Variants in STXBP5L observed in about 807,000 individuals in gnomAD.
STXBP5L encodes the protein syntaxin-binding protein 5-like.
In STXBP5L, 65 loss-of-function variants were observed where a neutral mutation model predicts 144.5. That is an observed-to-expected ratio of 0.45 (90% CI 0.37 to 0.55). The LOEUF (loss-of-function observed/expected upper bound fraction) is 0.55. Among genes scored for constraint, STXBP5L ranks in the 20% least tolerant of loss-of-function variants. The pLI is 0.00. For synonymous variants in STXBP5L, 505 were observed against 469.6 expected (o/e 1.08, Z -0.97); for missense variants, 1,298 against 1,405.5 (o/e 0.92, Z 1.22).
chr3:121,042,110 T>C (rs1234351894), intron 4 of STXBP5L, among the ~76,000 whole-genome samples: 1 of 152,162 alleles, frequency 6.6e-6, no homozygotes, highest in Non-Finnish European at 1.5e-5. Flanking sequence ...TCCCACCAAC[T>C]TAAATTTTGT....
At chr3:121,133,473 A>G (rs2045092269) in intron 7 of STXBP5L, among the ~76,000 whole-genome samples, 1 of 152,176 alleles carries the variant, frequency 6.6e-6, no homozygotes, top group Non-Finnish European at 1.5e-5. Flanking sequence ...GAGTGGTGCA[A>G]TATATTCACA....
At chr3:121,212,447 C>T (rs1397828280) in intron 10 of STXBP5L, among the ~76,000 whole-genome samples, 1 of 152,066 alleles carries the variant, frequency 6.6e-6, no homozygotes, top group Non-Finnish European at 1.5e-5. Flanking sequence ...ACCAGTTTTC[C>T]CACCACCATT....
At chr3:121,353,990 T>A (rs1055496302) in intron 20 of STXBP5L, among the ~76,000 whole-genome samples, 1 of 152,166 alleles carries the variant, frequency 6.6e-6, no homozygotes, top group African/African-American at 2.4e-5. Context: ...AGTTGAGCAG[T>A]TTTGAGTGAG....
intron 3 of STXBP5L, among the ~76,000 whole-genome samples, chr3:121,028,129 A>G (rs1320038907): frequency 1.3e-5 from 2 of 152,110 alleles, no homozygotes; most frequent in Non-Finnish European, 2.9e-5. Flanking sequence ...CAAAAATTGT[A>G]TCTAAATTAA....
chr3:121,191,358 C>T (rs182555382), intron 9 of STXBP5L, among the ~76,000 whole-genome samples: 461 of 152,274 alleles, frequency 3.0e-3, no homozygotes, highest in Non-Finnish European at 5.2e-3. Context: ...GCCAACACGG[C>T]GAAACCCTGT....
intron 5 of STXBP5L, among the ~76,000 whole-genome samples, chr3:121,106,177 G>A (rs756164832): frequency 5.3e-5 from 8 of 151,696 alleles, no homozygotes; most frequent in Admixed American, 1.3e-4. Flanking sequence ...TGCTTGTTTT[G>A]TCTCTCCTGT....
chr3:120,986,041 A>G (rs1942257969), intron 3 of STXBP5L, among the ~76,000 whole-genome samples: 1 of 151,914 alleles, frequency 6.6e-6, no homozygotes, highest in South Asian at 2.1e-4. Flanking sequence ...TAAACTAAAA[A>G]TTTTGGCCTT....
intron 9 of STXBP5L, among the ~76,000 whole-genome samples, chr3:121,200,526 GA>G (rs2048098839): frequency 6.6e-6 from 1 of 152,022 alleles, no homozygotes; most frequent in Non-Finnish European, 1.5e-5. Flanking sequence ...GCCAGCTTTT[GA>G]ATTTGTTTGC....
intron 7 of STXBP5L, among the ~76,000 whole-genome samples, chr3:121,122,711 G>A (rs1046020099): frequency 4.0e-5 from 6 of 151,436 alleles, no homozygotes; most frequent in Non-Finnish European, 8.9e-5. Flanking sequence ...AAGAACCAAT[G>A]TTTAATAAAC....
At chr3:121,019,065 G>A (rs1945355077) in intron 3 of STXBP5L, among the ~76,000 whole-genome samples, 1 of 152,190 alleles carries the variant, frequency 6.6e-6, no homozygotes, top group Non-Finnish European at 1.5e-5. Context: ...TTCGGCTGCA[G>A]GCTGCCTGGG....
At chr3:121,402,262 C>T (rs1282668118) in intron 22 of STXBP5L, among the ~76,000 whole-genome samples, 1 of 152,120 alleles carries the variant, frequency 6.6e-6, no homozygotes, top group African/African-American at 2.4e-5. Context: ...AAGTTTCTGT[C>T]CTCAAAGAGC....
intron 10 of STXBP5L, among the ~76,000 whole-genome samples, chr3:121,211,532 T>C (rs2048565099): frequency 6.6e-6 from 1 of 151,962 alleles, no homozygotes; most frequent in African/African-American, 2.4e-5. Flanking sequence ...TTCCTATTTT[T>C]TCTACATCTT....
intron 5 of STXBP5L, among the ~76,000 whole-genome samples, chr3:121,092,569 G>T (rs1323015518): frequency 1.3e-5 from 2 of 152,056 alleles, no homozygotes; most frequent in Non-Finnish European, 2.9e-5. Flanking sequence ...TTGGCTCTCT[G>T]TTTGTCTGTT....
At chr3:121,346,005 C>T (rs924787230) in intron 20 of STXBP5L, among the ~76,000 whole-genome samples, 17 of 151,650 alleles carry the variant, frequency 1.1e-4, no homozygotes, top group Admixed American at 2.0e-4. Context: ...GCACAACGTG[C>T]GGGTTTGTTG....
At chr3:121,022,829 C>T (rs1945660580) in intron 3 of STXBP5L, among the ~76,000 whole-genome samples, 1 of 152,040 alleles carries the variant, frequency 6.6e-6, no homozygotes, top group South Asian at 2.1e-4. Flanking sequence ...GAAAGCATTC[C>T]CCCTGAGAAC....
intron 22 of STXBP5L, among the ~76,000 whole-genome samples, chr3:121,400,201 C>G (rs1051499889): frequency 9.9e-5 from 15 of 152,188 alleles, no homozygotes; most frequent in African/African-American, 2.9e-4. Context: ...AGCCTCTGCT[C>G]ATGAGCAGTC....
At chr3:121,196,626 G>A (rs563007942) in intron 9 of STXBP5L, among the ~76,000 whole-genome samples, 1 of 151,288 alleles carries the variant, frequency 6.6e-6, no homozygotes, top group South Asian at 2.1e-4. Flanking sequence ...ATATTTTAAT[G>A]TGAATGGTGA....
intron 8 of STXBP5L, among the ~76,000 whole-genome samples, chr3:121,154,157 T>C (rs2046035924): frequency 1.3e-5 from 2 of 151,776 alleles, no homozygotes; most frequent in African/African-American, 2.4e-5. Flanking sequence ...TTAGTACAAA[T>C]ATATGTAATT....
Position 121,422,670 on chromosome 3 carries a change from T to G in STXBP5L, c.*3573T>G, listed in dbSNP as rs2047376571. On this transcript the variant is annotated 3_prime_UTR_variant, in exon 27 of 27. Coordinates refer to ENST00000471454, the MANE Select transcript of STXBP5L (RefSeq NM_001308330.2). Reference sequence around the variant, plus strand: ...CAAGATCATTGTCTAACTGGAACTCTGAAAGGACAGTGACAGAACTGAATG... The same window carrying G: ...CAAGATCATTGTCTAACTGGAACTCGGAAAGGACAGTGACAGAACTGAATG... 6.6e-6 allele frequency: 1 copy of G among 152,154 alleles called. No individual in the cohort carries two copies. The highest frequency in any genetic ancestry group is 1.5e-5 in the Non-Finnish European group (1 of 68,020). The allele number at this position is 152,154 out of a possible 1,614,324, so 9.4% of individuals were successfully genotyped here. A position where few individuals can be genotyped will look rare whatever the true frequency, so the allele number is the denominator to read the frequency against.
Sources: allele counts gnomAD v4.1 joint callset (sites outside exome capture counted in the v4.1 genomes callset), GRCh38; gene constraint gnomAD v4.1.1; transcripts MANE v1.5; gene names NCBI Gene and HGNC (gene_info 2026-07-23, HGNC 2026-07-21).